The following TRIO variants were observed in gnomAD, a reference collection of about 807,000 sequenced individuals.
TRIO encodes trio Rho guanine nucleotide exchange factor, also known as triple functional domain protein.
Under a neutral mutation model 351.9 loss-of-function variants are expected in TRIO, and 58 were observed. That is an observed-to-expected ratio of 0.16 (90% confidence interval 0.13 to 0.21). The LOEUF is 0.21. TRIO is among the 10% of genes least tolerant of loss of function. The pLI, the probability that TRIO is intolerant of heterozygous loss-of-function variation, is 1.00. For missense variants in TRIO, 3,201 were observed against 4,027.8 expected (o/e 0.79, Z 5.56); for synonymous variants, 1,758 against 1,595.7 (o/e 1.10, Z -2.42).
intron 21 of TRIO, among the ~76,000 whole-genome samples, chr5:14,382,288 C>G (rs1314643790): frequency 6.6e-6 from 1 of 152,204 alleles, no homozygotes; most frequent in African/African-American, 2.4e-5. Flanking sequence ...AGGACAGCTA[C>G]TTTGTATTAT....
At chr5:14,244,774 G>T (rs1207221757) in intron 1 of TRIO, among the ~76,000 whole-genome samples, 1 of 152,218 alleles carries the variant, frequency 6.6e-6, no homozygotes, top group South Asian at 2.1e-4. Flanking sequence ...GGATTGCAGC[G>T]GGTCCTTGGT....
intron 4 of TRIO, among the ~76,000 whole-genome samples, chr5:14,288,032 T>G (rs1736591278): frequency 6.6e-6 from 1 of 152,222 alleles, no homozygotes; most frequent in African/African-American, 2.4e-5. Context: ...CTATCCAAAA[T>G]ATGAACTTAG....
At chr5:14,472,974 A>C (rs1307065131) in intron 39 of TRIO, among the ~76,000 whole-genome samples, 5 of 152,236 alleles carry the variant, frequency 3.3e-5, no homozygotes, top group Non-Finnish European at 7.3e-5. Flanking sequence ...GTTAGTAGAC[A>C]GGAATCTTGC....
intron 1 of TRIO, among the ~76,000 whole-genome samples, chr5:14,173,461 C>T (rs1789227445): frequency 6.6e-6 from 1 of 152,078 alleles, no homozygotes; most frequent in Admixed American, 6.5e-5. Flanking sequence ...ATCCGCCCGC[C>T]TCAGCTTCCC....
intron 52 of TRIO, 67 bp from the exon 53 acceptor site, chr5:14,498,452 G>C: frequency 6.4e-7 from 1 of 1,565,488 alleles, no homozygotes. Flanking sequence ...CCTGAAGGAG[G>C]AGGCCAGCGC....
Position 14,260,261 on chromosome 5 carries a change from TTAA to T in TRIO, c.158-10557_158-10555del, listed in dbSNP as rs570847271. Among the ~76,000 whole-genome samples the T allele has an allele frequency of 8.7e-3, 1,324 of 152,334 alleles. 9 individuals carry two copies. Among genetic ancestry groups the T allele is most frequent in the Non-Finnish European group, 8.9e-3 (607 of 68,012 alleles). On this transcript the variant is annotated intron_variant, in intron 1 of 56. Coordinates refer to ENST00000344204, the MANE Select transcript of TRIO (RefSeq NM_007118.4). Reference sequence around the variant, plus strand: ...AACACTTTTAAATGGATTTGTCTAATTAATAATAACAGTATCTATATCTCTTTA... The same window carrying T: ...AACACTTTTAAATGGATTTGTCTAATTAATAACAGTATCTATATCTCTTTA...
chr5:14,339,370 G>A (rs1741728300), intron 11 of TRIO, among the ~76,000 whole-genome samples: 1 of 152,200 alleles, frequency 6.6e-6, no homozygotes, highest in Non-Finnish European at 1.5e-5. Flanking sequence ...TTGTCACTAG[G>A]TTTGGAAATT....
intron 1 of TRIO, among the ~76,000 whole-genome samples, chr5:14,210,438 C>T (rs1331270305): frequency 2.0e-5 from 3 of 152,288 alleles, no homozygotes; most frequent in Admixed American, 1.3e-4. Flanking sequence ...TTGTGGCCTG[C>T]GTTTAGCTTC....
In TRIO at chr5:14,359,514, G is replaced by A; in HGVS notation, c.2374G>A (p.Glu792Lys). 6.2e-7 allele frequency: 1 copy of A among 1,614,034 alleles called. No homozygotes were observed. Among genetic ancestry groups the A allele is most frequent in the Non-Finnish European group, 8.5e-7 (1 of 1,179,878 alleles). The change falls in exon 13 of 57, where the codon GAG (glutamate) becomes AAG (lysine). Residue 792 changes from glutamate to lysine, a missense_variant. By Grantham distance (56) the Glu-to-Lys change is moderately conservative (BLOSUM62 1). Coordinates refer to ENST00000344204, the MANE Select transcript of TRIO (RefSeq NM_007118.4). ...LELFLQLRIF[E>K]RDAIDIISDL... ...GCTCTTCCTGCAGCTGCGCATCTTC[G>A]AGAGGGACGCCATCGACGTGAGTGT...
chr5:14,423,092 A>G (rs1331980211), intron 34 of TRIO, among the ~76,000 whole-genome samples: 1 of 152,212 alleles, frequency 6.6e-6, no homozygotes, highest in Non-Finnish European at 1.5e-5. Context: ...CCTCCGTCTC[A>G]GCATCTTGGT....
At chr5:14,312,676 A>G (rs1330983393) in intron 8 of TRIO, among the ~76,000 whole-genome samples, 1 of 152,244 alleles carries the variant, frequency 6.6e-6, no homozygotes, top group Non-Finnish European at 1.5e-5. Flanking sequence ...AACAAAATGT[A>G]TAACTGAAGT....
In TRIO at chr5:14,174,129, G is replaced by A. The variant is rs115711950; in HGVS notation, c.157+30247G>A. Among the ~76,000 whole-genome samples the A allele has an allele frequency of 8.4e-3, 1,277 of 152,304 alleles. 20 individuals are homozygous for A. Among genetic ancestry groups the A allele is most frequent in the African/African-American group, 0.029 (1,208 of 41,558 alleles). ...GCTGCTGATTTATGGAGAAATGAGC[G>A]CTAGTTGCCTTCCACCCGTGTGGCT... On this transcript the variant is annotated intron_variant, in intron 1 of 56. Coordinates refer to ENST00000344204, the MANE Select transcript of TRIO (RefSeq NM_007118.4).
At chr5:14,422,842 T>C (rs1750293516) in intron 34 of TRIO, among the ~76,000 whole-genome samples, 1 of 152,250 alleles carries the variant, frequency 6.6e-6, no homozygotes, top group African/African-American at 2.4e-5. Flanking sequence ...TGCTATCTTG[T>C]GGCCAGGTGC....
intron 49 of TRIO, among the ~76,000 whole-genome samples, 197 bp downstream of exon 49, chr5:14,493,011 A>G (rs1756604834): frequency 2.0e-5 from 3 of 152,218 alleles, no homozygotes; most frequent in Admixed American, 2.0e-4. Flanking sequence ...GGGTCTTTGA[A>G]TAATCTGCAT....
At chr5:14,423,033 C>T (rs1419916440) in intron 34 of TRIO, among the ~76,000 whole-genome samples, 2 of 152,242 alleles carry the variant, frequency 1.3e-5, no homozygotes, top group Non-Finnish European at 2.9e-5. Context: ...TTTGGGCCGG[C>T]CAGCCTTCGT....
intron 27 of TRIO, 74 bp downstream of exon 27, chr5:14,391,064 T>G: frequency 8.7e-7 from 1 of 1,152,968 alleles, no homozygotes; most frequent in Non-Finnish European, 1.2e-6. Flanking sequence ...CTCATAACTT[T>G]CACCTAATTG....
chr5:14,169,492 A>G (rs1336766143), intron 1 of TRIO, among the ~76,000 whole-genome samples: 1 of 152,198 alleles, frequency 6.6e-6, no homozygotes, highest in Non-Finnish European at 1.5e-5. Flanking sequence ...GTCCCAGGAA[A>G]TAACTTGCCC....
chr5:14,432,743 C>CT (rs1434077157), intron 34 of TRIO, among the ~76,000 whole-genome samples: 1 of 152,068 alleles, frequency 6.6e-6, no homozygotes, highest in Non-Finnish European at 1.5e-5. Flanking sequence ...GCCATTTTTT[C>CT]TTTATCAGTT....
At chr5:14,207,361 C>CACACACACACACACACACAGAGAG (rs1561202207) in intron 1 of TRIO, among the ~76,000 whole-genome samples, 1 of 10,084 alleles carries the variant, frequency 9.9e-5, no homozygotes, top group Non-Finnish European at 2.2e-4. Flanking sequence ...CACACACACA[C>CACACACACACACACACACAGAGAG]AGAGCCAGGT....
Sources: gnomAD v4.1 joint callset for allele counts (sites outside exome capture counted in the v4.1 genomes callset) on GRCh38, gnomAD v4.1.1 for gene constraint, MANE v1.5 for transcripts, NCBI Gene and HGNC (gene_info 2026-07-23, HGNC 2026-07-21) for gene names.